Variants in TRHDE observed in about 807,000 individuals in gnomAD.
TRHDE encodes thyrotropin-releasing hormone-degrading ectoenzyme.
Under a neutral mutation model 125.7 loss-of-function variants are expected in TRHDE, and 72 were observed. That is an observed-to-expected ratio of 0.57 (90% CI 0.47 to 0.70). TRHDE has a LOEUF of 0.70. TRHDE is among the 30% of genes least tolerant of loss of function. TRHDE has a pLI of 0.00. For missense variants in TRHDE, 1,110 were observed against 1,327.1 expected (o/e 0.84, Z 2.54); for synonymous variants, 509 against 509.1 (o/e 1.00, Z 0.00).
chr12:72,379,186 A>G (rs895880720), intron 3 of TRHDE, among the ~76,000 whole-genome samples: 1 of 152,228 alleles, frequency 6.6e-6, no homozygotes, highest in African/African-American at 2.4e-5. Flanking sequence ...GTGTAGCTTT[A>G]TTGGTCTTGC....
At chr12:72,401,823 A>G (rs1204865483) in intron 3 of TRHDE, among the ~76,000 whole-genome samples, 1 of 152,174 alleles carries the variant, frequency 6.6e-6, no homozygotes, top group Non-Finnish European at 1.5e-5. Flanking sequence ...AGATATGAAT[A>G]GTAAGCTATT....
At chr12:72,227,423 CAAG>C (rs2139372166) in intron 2 of TRHDE, among the ~76,000 whole-genome samples, 1 of 152,242 alleles carries the variant, frequency 6.6e-6, no homozygotes, top group South Asian at 2.1e-4. Flanking sequence ...TTCACTATCA[CAAG>C]AACAGCATGG....
At chr12:72,151,406 C>G (rs1285056687) in intron 2 of TRHDE, among the ~76,000 whole-genome samples, 3 of 152,120 alleles carry the variant, frequency 2.0e-5, no homozygotes, top group African/African-American at 7.2e-5. Context: ...TTAATTAGAT[C>G]CCATTTGTCA....
Position 72,272,626 on chromosome 12 carries a change from G to A in TRHDE, c.-18G>A. On this transcript the variant is annotated 5_prime_UTR_variant, in exon 1 of 19. Transcript: ENST00000261180. This position sits in a 1 kb window ranked among gnomAD's most constrained non-coding sequence, Gnocchi z 6.7. ...GGGGGGTGCCAGAGGGGGCGGGGGA[G>A]GAGGAGGAGGCGGTGTGATGGCCCT... 1.1e-6 allele frequency: 1 copy of A among 926,232 alleles called. No homozygotes were observed. The highest frequency in any genetic ancestry group is 1.5e-6 in the Non-Finnish European group (1 of 645,580). 57.4% of individuals were successfully genotyped at this position (926,232 alleles called of 1,614,324 possible). A position where few individuals can be genotyped will look rare whatever the true frequency, so the allele number is the denominator to read the frequency against.
intron 1 of TRHDE, among the ~76,000 whole-genome samples, chr12:72,099,701 T>C (rs1376234115): frequency 1.3e-5 from 2 of 152,234 alleles, no homozygotes; most frequent in East Asian, 1.9e-4. Context: ...TTAATATTTA[T>C]GTAGACTTAA....
At chr12:72,593,178 CTG>C (rs1333738185) in intron 12 of TRHDE, among the ~76,000 whole-genome samples, 2 of 152,162 alleles carry the variant, frequency 1.3e-5, no homozygotes, top group East Asian at 1.9e-4. Flanking sequence ...TCCAGAAAGG[CTG>C]TGTTTCCACA....
rs144655169 is a variant in TRHDE at position 72,609,970 on chromosome 12, C to T, written c.2322-8921C>T. 6.1e-3 allele frequency among the ~76,000 whole-genome samples: 933 copies of T among 152,164 alleles called. 14 individuals are homozygous for T. Among genetic ancestry groups the T allele is most frequent in the African/African-American group, 0.021 (872 of 41,530 alleles). ...CTCAATAAGCAGAATTCCATACTAC[C>T]TTTAAGAGTTGTATTTTCCATGGAA... On this transcript the variant is annotated intron_variant, in intron 12 of 18. Transcript: ENST00000261180.
At chr12:72,337,709 G>A (rs1055339563) in intron 2 of TRHDE, among the ~76,000 whole-genome samples, 20 of 151,936 alleles carry the variant, frequency 1.3e-4, no homozygotes, top group African/African-American at 3.9e-4. Flanking sequence ...TGAGTCAGAC[G>A]AGTTCCTGCT....
chr12:72,411,189 C>T lies in TRHDE; in HGVS notation c.1315+33068C>T, dbSNP rs369084170. On this transcript the variant is annotated intron_variant, in intron 3 of 18. Transcript: ENST00000261180. ...CTGCACTCCAGCCTAGGCGACAGAG[C>T]GAGACTCCATTTCAAAAAAAAAAAA... Among the ~76,000 whole-genome samples, 73 of 135,700 alleles carry T rather than the reference C, an allele frequency of 5.4e-4. 2 individuals are homozygous for T. The South Asian group carries it at 0.016, about 29-fold the overall frequency. The allele number at this position is 135,700 out of a possible 152,430, so 89.0% of individuals were successfully genotyped here.
intron 2 of TRHDE, among the ~76,000 whole-genome samples, chr12:72,294,218 G>A (rs1221466928): frequency 1.3e-5 from 2 of 152,230 alleles, no homozygotes; most frequent in Admixed American, 1.3e-4. Flanking sequence ...TTGTGCGACA[G>A]TTCTTTTAGC....
intron 3 of TRHDE, among the ~76,000 whole-genome samples, chr12:72,407,091 T>G (rs1378797540): frequency 6.6e-6 from 1 of 152,168 alleles, no homozygotes; most frequent in Admixed American, 6.5e-5. Flanking sequence ...AGGTTTTTTT[T>G]CAGAGAGCTA....
chr12:72,166,373 A>G (rs748549537), intron 2 of TRHDE, among the ~76,000 whole-genome samples: 4 of 152,138 alleles, frequency 2.6e-5, no homozygotes, highest in Non-Finnish European at 4.4e-5. Flanking sequence ...ATATATACAC[A>G]TACATATATC....
At chr12:72,124,573 A>G (rs1875668445) in intron 2 of TRHDE, among the ~76,000 whole-genome samples, 1 of 152,170 alleles carries the variant, frequency 6.6e-6, no homozygotes, top group African/African-American at 2.4e-5. Context: ...AATGTCAAGG[A>G]TCTACATTTT....
rs994404603 is a variant in TRHDE, at chr12:72,232,000, A to G, written n.279+126248A>G. Among the ~76,000 whole-genome samples the G allele has an allele frequency of 5.3e-5, 8 of 152,182 alleles. No homozygotes were observed. The East Asian group carries it at 1.5e-3, about 29-fold the overall frequency. The stretch of plus-strand genomic sequence containing the variant: ...AATAAAATGAATTTGTAAATTGTCT[A>G]CTGGCTGCTAGGTAGGGACTTGTTT... On this transcript the variant is annotated intron_variant and non_coding_transcript_variant, in intron 2 of 4. Transcript: ENST00000548156.
chr12:72,445,634 G>A (rs940342953), intron 3 of TRHDE, among the ~76,000 whole-genome samples: 22 of 151,860 alleles, frequency 1.4e-4, no homozygotes, highest in African/African-American at 5.1e-4. Flanking sequence ...TAAAGGAAGA[G>A]TTTTGAGAGG....
At chr12:72,175,480 G>A (rs1221703788) in intron 2 of TRHDE, among the ~76,000 whole-genome samples, 4 of 152,148 alleles carry the variant, frequency 2.6e-5, no homozygotes, top group African/African-American at 9.7e-5. Flanking sequence ...AGATATCACT[G>A]GAAAGACTCC....
intron 6 of TRHDE, among the ~76,000 whole-genome samples, chr12:72,525,634 T>TGTGAGA (rs1431758592): frequency 3.0e-5 from 3 of 98,938 alleles, no homozygotes; most frequent in African/African-American, 8.2e-5. Context: ...TGTGTGTGTG[T>TGTGAGA]GAGAGAGAGA....
At chr12:72,095,356 T>C (rs1218401634) in intron 1 of TRHDE, among the ~76,000 whole-genome samples, 1 of 152,166 alleles carries the variant, frequency 6.6e-6, no homozygotes, top group Non-Finnish European at 1.5e-5. Context: ...GTGTTATAAA[T>C]ATAGACTGTA....
At chr12:72,451,026 T>C (rs956626265) in intron 3 of TRHDE, among the ~76,000 whole-genome samples, 21 of 152,174 alleles carry the variant, frequency 1.4e-4, no homozygotes, top group African/African-American at 5.1e-4. Context: ...TTTGACTTTC[T>C]TATATTAACC....
Sources: allele counts gnomAD v4.1 joint callset (sites outside exome capture counted in the v4.1 genomes callset), GRCh38; gene constraint gnomAD v4.1.1; non-coding constraint Gnocchi (gnomAD v3.1); transcripts MANE v1.5; gene names NCBI Gene and HGNC (gene_info 2026-07-23, HGNC 2026-07-21).